The following PIWIL3 variants were observed in gnomAD, a reference collection of about 807,000 sequenced individuals.
PIWIL3 encodes piwi like RNA-mediated gene silencing 3.
Under a neutral mutation model 109.7 loss-of-function variants are expected in PIWIL3, and 101 were observed. The observed-to-expected ratio is 0.92, with a 90% confidence interval of 0.78 to 1.09. The LOEUF (loss-of-function observed/expected upper bound fraction) is 1.09, where lower values mean the gene tolerates loss of function less well. Among genes scored for constraint, PIWIL3 ranks in the 50% least tolerant of loss-of-function variants. The pLI is 0.00. For missense variants in PIWIL3, 1,031 were observed against 1,072.6 expected (o/e 0.96, Z 0.54); for synonymous variants, 373 against 376.4 (o/e 0.99, Z 0.10).
At chr22:24,740,314 C>T (rs981301387) in intron 12 of PIWIL3, among the ~76,000 whole-genome samples, 45 of 151,152 alleles carry the variant, frequency 3.0e-4, no homozygotes, top group East Asian at 1.2e-3. Context: ...TTTGGGAGCC[C>T]GAGGCGGGTG....
intron 11 of PIWIL3, 122 bp from the exon 12 acceptor site, chr22:24,749,143 G>T: frequency 1.2e-6 from 1 of 856,172 alleles, no homozygotes; most frequent in Non-Finnish European, 1.8e-6. Context: ...ATTGAGATGC[G>T]GCAGTACCTT....
At chr22:24,761,349 G>A (rs964449457) in intron 2 of PIWIL3, among the ~76,000 whole-genome samples, 4 of 152,168 alleles carry the variant, frequency 2.6e-5, no homozygotes, top group African/African-American at 9.7e-5. Context: ...CAGTGATGAA[G>A]GAGGTAACCT....
chr22:24,738,476 C>T (rs142755251), intron 12 of PIWIL3, among the ~76,000 whole-genome samples: 100 of 152,362 alleles, frequency 6.6e-4, no homozygotes, highest in Middle Eastern at 6.8e-3. Context: ...AGGTTGACCC[C>T]GTGCAGTCCC....
At chr22:24,730,118 G>A (rs1233684545) in intron 14 of PIWIL3, among the ~76,000 whole-genome samples, 4 of 152,062 alleles carry the variant, frequency 2.6e-5, no homozygotes, top group Non-Finnish European at 4.4e-5. Flanking sequence ...TGTAATCCCA[G>A]TACTTTGGGA....
In PIWIL3 at chr22:24,754,164, T is replaced by C. The variant is rs1924873813; in HGVS notation, c.827A>G (p.Asn276Ser). Residue 276 changes from asparagine to serine, a missense_variant, in exon 8 of 21, where the codon AAC (asparagine) becomes AGC (serine). Transcript: ENST00000616349. ...CACATCGGCACAGAGGGTAATGCTG[T>C]TTTCGTATTGAAGAACAGAAGTAAC... ...GYVTSVLQYENSITLCADVSH... is the reference protein window; with the variant it reads ...GYVTSVLQYESSITLCADVSH... 6.2e-7 allele frequency: 1 copy of C among 1,613,988 alleles called. No individual in the cohort carries two copies. Among genetic ancestry groups the C allele is most frequent in the South Asian group, 1.1e-5 (1 of 91,078 alleles).
At chr22:24,762,283 A>G (rs973136808) in intron 2 of PIWIL3, 115 bp downstream of exon 2, 6 of 1,431,146 alleles carry the variant, frequency 4.2e-6, no homozygotes, top group Non-Finnish European at 5.5e-6. Flanking sequence ...ATGAACTTTT[A>G]TTAGTCCTCA....
chr22:24,767,513 T>C (rs1010195998), intron 1 of PIWIL3, among the ~76,000 whole-genome samples: 6 of 150,896 alleles, frequency 4.0e-5, no homozygotes, highest in Non-Finnish European at 7.4e-5. Context: ...ATCGAGCCAT[T>C]GCACTCCAGC....
intron 16 of PIWIL3, among the ~76,000 whole-genome samples, chr22:24,726,727 T>G (rs1923023809): frequency 6.6e-6 from 1 of 152,208 alleles, no homozygotes; most frequent in Non-Finnish European, 1.5e-5. Flanking sequence ...AACGCTATTT[T>G]CAAACAAAAA....
At position 24,719,473 on chromosome 22, in the gene PIWIL3, C is replaced by A; in HGVS notation, c.2621G>T (p.Ter874LeuextTer9). 6.4e-7 allele frequency: 1 copy of A among 1,569,678 alleles called. No individual in the cohort carries two copies. The highest frequency in any genetic ancestry group is 1.2e-5 in the South Asian group (1 of 83,164). The change falls in exon 21 of 21, where the codon TGA becomes TTA. Residue 874 changes from the stop codon to leucine (L), a stop_lost. Transcript: ENST00000616349. ...RSLSTRLFYL[*>L] ...GCACATCAGGTCTTCTTCTGCAGGT[C>A]AAAGGTAAAAGAGACGAGTTGACAA...
At chr22:24,726,707 C>T (rs1304222643) in intron 16 of PIWIL3, among the ~76,000 whole-genome samples, 1 of 152,158 alleles carries the variant, frequency 6.6e-6, no homozygotes, top group Non-Finnish European at 1.5e-5. Context: ...TAATTTTTCC[C>T]TATGATTGCA....
intron 9 of PIWIL3, 30 bp from the exon 10 acceptor site, chr22:24,749,849 C>T (rs1236561313): frequency 6.2e-7 from 1 of 1,613,804 alleles, no homozygotes; most frequent in Non-Finnish European, 8.5e-7. Flanking sequence ...CCAGCATGAC[C>T]ATCAGTGAAA....
At position 24,771,476 on chromosome 22, in the gene PIWIL3, C is replaced by CA. The variant is rs60085341; in HGVS notation, c.-23+2845dup. Among the ~76,000 whole-genome samples, 172 of 114,374 alleles carry CA rather than the reference C, an allele frequency of 1.5e-3. 1 individual carries two copies. Among genetic ancestry groups the CA allele is most frequent in the Admixed American group, 3.6e-3 (36 of 10,070 alleles). 75.0% of individuals were successfully genotyped at this position (114,374 alleles called of 152,430 possible). ...TGGGCGACAGTGCAAGACTCCATCT[C>CA]AAAAAAAAAAAAAAAAAAGAAAGTT... On this transcript the variant is annotated intron_variant, in intron 1 of 20. Coordinates refer to ENST00000616349, the MANE Select transcript of PIWIL3 (RefSeq NM_001255975.1).
At chr22:24,757,438 C>T (rs1490167839) in intron 4 of PIWIL3, among the ~76,000 whole-genome samples, 3 of 152,014 alleles carry the variant, frequency 2.0e-5, no homozygotes, top group Admixed American at 2.0e-4. Context: ...TGGGAGGCAC[C>T]TCTACTTACA....
At chr22:24,750,170 C>T (rs1489671772) in intron 9 of PIWIL3, among the ~76,000 whole-genome samples, 1 of 151,934 alleles carries the variant, frequency 6.6e-6, no homozygotes, top group Non-Finnish European at 1.5e-5. Context: ...TGAAAACCGT[C>T]AAGAGGACAG....
intron 12 of PIWIL3, among the ~76,000 whole-genome samples, chr22:24,747,937 A>G (rs2060454107): frequency 6.6e-6 from 1 of 152,218 alleles, no homozygotes; most frequent in Non-Finnish European, 1.5e-5. Flanking sequence ...CTAGGCATAT[A>G]GCCAAAATAA....
chr22:24,751,680 CCA>C (rs988058443), intron 8 of PIWIL3, among the ~76,000 whole-genome samples, 182 bp from the exon 9 acceptor site: 3 of 152,204 alleles, frequency 2.0e-5, no homozygotes, highest in African/African-American at 4.8e-5. Context: ...TTTACTACAG[CCA>C]CAGAGTTGTG....
intron 14 of PIWIL3, among the ~76,000 whole-genome samples, chr22:24,730,253 TACTTGGGAG>T (rs113349610): frequency 0.021 from 3,127 of 150,246 alleles, 103 homozygotes; most frequent in African/African-American, 0.068. Context: ...TAGTCCCAGG[TACTTGGGAG>T]GCTGAGGCAG....
intron 13 of PIWIL3, among the ~76,000 whole-genome samples, chr22:24,735,138 A>G (rs1247717911): frequency 1.3e-5 from 2 of 152,230 alleles, no homozygotes; most frequent in Non-Finnish European, 2.9e-5. Flanking sequence ...GGTGAAGCAC[A>G]GAAGACTTTT....
intron 1 of PIWIL3, among the ~76,000 whole-genome samples, chr22:24,770,813 T>C (rs5751980): frequency 0.44 from 65,914 of 150,934 alleles, 14,612 homozygotes; most frequent in East Asian, 0.59. Context: ...CCAGCTTGGG[T>C]GATGGAGAGA....
Sources: gnomAD v4.1 joint callset for allele counts (sites outside exome capture counted in the v4.1 genomes callset) on GRCh38, gnomAD v4.1.1 for gene constraint, MANE v1.5 for transcripts, NCBI Gene and HGNC (gene_info 2026-07-23, HGNC 2026-07-21) for gene names.